The following KIF5C variants were observed in gnomAD, a reference collection of about 807,000 sequenced individuals.
KIF5C encodes the protein kinesin family member 5C.
Under a neutral mutation model 125.2 loss-of-function variants are expected in KIF5C, and 18 were observed. That is an observed-to-expected ratio of 0.14 (90% CI 0.10 to 0.21). The LOEUF (loss-of-function observed/expected upper bound fraction) is 0.21. KIF5C is among the 10% of genes least tolerant of loss of function. KIF5C has a pLI of 1.00. For synonymous variants in KIF5C, 405 were observed against 434.0 expected, an observed-to-expected ratio of 0.93 and a Z score of 0.83; for missense variants, 780 against 1,183.8, an observed-to-expected ratio of 0.66 and a Z score of 5.01.
intron 14 of KIF5C, 147 bp downstream of exon 14, chr2:148,981,708 T>C: frequency 7.4e-7 from 1 of 1,354,880 alleles, no homozygotes; most frequent in Non-Finnish European, 9.7e-7. Context: ...CCTCCAACAA[T>C]TGAAATACTT....
Position 149,026,330 on chromosome 2 carries a change from C to T in KIF5C, c.*3260C>T, listed in dbSNP as rs1045890772. Reference sequence around the variant, plus strand: ...ATGGCTGGATAACTGCCGAAGTAAGCGCCGCTCCATGAAGTCTGCTTACTT... The same window carrying T: ...ATGGCTGGATAACTGCCGAAGTAAGTGCCGCTCCATGAAGTCTGCTTACTT... On this transcript the variant is annotated 3_prime_UTR_variant, in exon 26 of 26. Coordinates refer to ENST00000435030, the MANE Select transcript of KIF5C (RefSeq NM_004522.3). 4 of 152,098 alleles carry T rather than the reference C, an allele frequency of 2.6e-5. No homozygotes were observed. Among genetic ancestry groups the T allele is most frequent in the Non-Finnish European group, 4.4e-5 (3 of 68,018 alleles). The allele number at this position is 152,098 out of a possible 1,614,324, so 9.4% of individuals were successfully genotyped here. A position where few individuals can be genotyped will look rare whatever the true frequency, so the allele number is the denominator to read the frequency against.
At chr2:148,916,017 G>A (rs1232204707) in intron 1 of KIF5C, among the ~76,000 whole-genome samples, 2 of 152,220 alleles carry the variant, frequency 1.3e-5, no homozygotes, top group East Asian at 1.9e-4. Context: ...TTGGCCTGTT[G>A]CGGGTGACCA....
At chr2:148,920,651 A>G (rs1484489455) in intron 1 of KIF5C, among the ~76,000 whole-genome samples, 1 of 152,240 alleles carries the variant, frequency 6.6e-6, no homozygotes, top group African/African-American at 2.4e-5. Context: ...CCAGTTTTCA[A>G]AGAGTAAAGC....
At chr2:149,012,932 C>T (rs528999905) in intron 25 of KIF5C, among the ~76,000 whole-genome samples, 2 of 152,364 alleles carry the variant, frequency 1.3e-5, no homozygotes, top group East Asian at 3.9e-4. Flanking sequence ...CTGAAGGGAA[C>T]TCTAAGATCC....
At chr2:148,914,081 G>A (rs1681449885) in intron 1 of KIF5C, among the ~76,000 whole-genome samples, 1 of 152,196 alleles carries the variant, frequency 6.6e-6, no homozygotes, top group South Asian at 2.1e-4. Context: ...GCTTGTTAGA[G>A]CCAGAACTAT....
At chr2:148,893,959 A>G (rs1478328447) in intron 1 of KIF5C, among the ~76,000 whole-genome samples, 2 of 152,172 alleles carry the variant, frequency 1.3e-5, no homozygotes, top group Non-Finnish European at 2.9e-5. Flanking sequence ...CTTACCTTCA[A>G]GCAACTCACT....
At chr2:148,875,876 G>A (rs889959661) in intron 1 of KIF5C, 133 bp downstream of exon 1, 160 of 1,189,038 alleles carry the variant, frequency 1.3e-4, no homozygotes, top group Non-Finnish European at 1.7e-4. Context: ...GGGTGGACCT[G>A]ACCAGAGACC....
intron 1 of KIF5C, chr2:148,884,013 C>T (rs569350708): frequency 6.6e-6 from 1 of 152,338 alleles, no homozygotes; most frequent in East Asian, 1.9e-4. Flanking sequence ...TCTCTGCTCA[C>T]CCCATGGAAC....
intron 8 of KIF5C, among the ~76,000 whole-genome samples, chr2:148,948,172 C>T (rs574467168): frequency 4.7e-5 from 7 of 149,456 alleles, no homozygotes; most frequent in South Asian, 2.1e-4. Flanking sequence ...ATGGTGAAAC[C>T]GTGTCTCAAC....
rs148465468 is a variant in KIF5C at position 149,025,394 on chromosome 2, G to A, written c.*2324G>A. 3.2e-3 allele frequency: 486 copies of A among 152,684 alleles called. No homozygotes were observed. Among genetic ancestry groups the A allele is most frequent in the African/African-American group, 0.011 (473 of 41,538 alleles). The allele number at this position is 152,684 out of a possible 1,614,324, so 9.5% of individuals were successfully genotyped here. ...AATTATTGGAACGGATTATTCAAAT[G>A]GATCCTTAAATATTGCTATGTATAA... On this transcript the variant is annotated 3_prime_UTR_variant, in exon 26 of 26. Coordinates refer to ENST00000435030, the MANE Select transcript of KIF5C (RefSeq NM_004522.3).
chr2:148,881,826 A>T (rs1214437832), intron 1 of KIF5C, among the ~76,000 whole-genome samples: 1 of 145,624 alleles, frequency 6.9e-6, no homozygotes, highest in Non-Finnish European at 1.5e-5. Context: ...CTATTTGTTT[A>T]TGGGGTGATG....
chr2:148,901,539 G>A (rs1353540722), intron 1 of KIF5C, among the ~76,000 whole-genome samples: 1 of 152,092 alleles, frequency 6.6e-6, no homozygotes, highest in African/African-American at 2.4e-5. Flanking sequence ...CTCATTCAAG[G>A]AAAATAAAAA....
chr2:148,884,461 A>G (rs1464967135), intron 1 of KIF5C: 3 of 152,174 alleles, frequency 2.0e-5, no homozygotes, highest in Non-Finnish European at 4.4e-5. Context: ...AAAATTTATT[A>G]TATAAAATTT....
intron 1 of KIF5C, 65 bp from the exon 2 acceptor site, chr2:148,922,072 T>A: frequency 8.6e-7 from 1 of 1,167,838 alleles, no homozygotes; most frequent in Non-Finnish European, 1.2e-6. Context: ...TGTTTGCGAT[T>A]TTTTATTCCT....
chr2:148,910,196 A>G (rs1450997373), intron 1 of KIF5C, among the ~76,000 whole-genome samples: 2 of 152,234 alleles, frequency 1.3e-5, no homozygotes, highest in African/African-American at 4.8e-5. Flanking sequence ...AAAAATCTAT[A>G]AAAGGGTAAG....
chr2:148,909,132 T>TGCTACCGGGCTTTGCAGCACTGG (rs1558885304), intron 1 of KIF5C, among the ~76,000 whole-genome samples: 1 of 152,254 alleles, frequency 6.6e-6, no homozygotes, highest in Non-Finnish European at 1.5e-5. Flanking sequence ...CACATGTATG[T>TGCTACCGGGCTTTGCAGCACTGG]GCTACCGGGC....
chr2:149,012,112 G>A (rs1488824133), intron 25 of KIF5C, among the ~76,000 whole-genome samples: 1 of 152,194 alleles, frequency 6.6e-6, no homozygotes, highest in African/African-American at 2.4e-5. Context: ...AGAAAGTGAT[G>A]TTTTTATGTT....
intron 12 of KIF5C, among the ~76,000 whole-genome samples, chr2:148,978,333 G>GT (rs1558928842): frequency 9.0e-6 from 1 of 111,058 alleles, no homozygotes; most frequent in African/African-American, 3.5e-5. Flanking sequence ...GCTGCCCTGA[G>GT]GTTTTTTTTT....
intron 4 of KIF5C, 63 bp downstream of exon 4, chr2:148,937,451 C>T: frequency 6.6e-7 from 1 of 1,514,672 alleles, no homozygotes; most frequent in Non-Finnish European, 8.8e-7. Context: ...TCTTATACCT[C>T]CTCCTTTCAA....
Sources: allele counts gnomAD v4.1 joint callset (sites outside exome capture counted in the v4.1 genomes callset), GRCh38; gene constraint gnomAD v4.1.1; transcripts MANE v1.5; gene names NCBI Gene and HGNC (gene_info 2026-07-23, HGNC 2026-07-21).